The following LRRC43 variants were observed in gnomAD, a reference collection of about 807,000 sequenced individuals.
The protein encoded by LRRC43 is leucine-rich repeat-containing protein 43.
Under a neutral mutation model 64.3 loss-of-function variants are expected in LRRC43, and 62 were observed. That is an observed-to-expected ratio of 0.96 (90% confidence interval 0.79 to 1.19). LRRC43 has a LOEUF of 1.19. Among genes scored for constraint, LRRC43 ranks in the 50% most tolerant of loss-of-function variants. LRRC43 has a pLI of 0.00. For synonymous variants in LRRC43, 422 were observed against 382.3 expected (o/e 1.10, Z -1.21); for missense variants, 868 against 845.0 (o/e 1.03, Z -0.34).
upstream of LRRC43, among the ~76,000 whole-genome samples, chr12:122,178,465 C>T (rs1037829036): frequency 6.6e-6 from 1 of 151,486 alleles, no homozygotes; most frequent in Non-Finnish European, 1.5e-5. Context: ...AGTGATACCT[C>T]AAAATCAACA....
chr12:122,189,991 G>A, intron 4 of LRRC43, 139 bp from the exon 5 acceptor site: 1 of 740,548 alleles, frequency 1.4e-6, no homozygotes, highest in African/African-American at 1.7e-5. Flanking sequence ...GGTTAACTTG[G>A]GTCAAGGGTA....
At position 122,184,801 on chromosome 12, in the gene LRRC43, G is replaced by A; in HGVS notation, c.411+22G>A. ...GAAGGTCAGTGCTGGGCACGTGGTA[G>A]GTGATGTTAGGGTGGCCGCTCCCCT... On this transcript the variant is annotated intron_variant, in intron 2 of 11. Transcript: ENST00000339777. This position sits in a 1 kb window ranked among gnomAD's most constrained non-coding sequence, Gnocchi z 4.0. The A allele has an allele frequency of 6.3e-7, 1 of 1,577,738 alleles. No individual in the cohort carries two copies. Among genetic ancestry groups the A allele is most frequent in the Non-Finnish European group, 8.6e-7 (1 of 1,161,636 alleles).
intron 4 of LRRC43, among the ~76,000 whole-genome samples, chr12:122,188,393 C>T (rs960312624): frequency 2.6e-5 from 4 of 151,878 alleles, no homozygotes; most frequent in African/African-American, 9.7e-5. Flanking sequence ...AGGCGTGAGC[C>T]ACTGTGCCCG....
intron 11 of LRRC43, among the ~76,000 whole-genome samples, chr12:122,201,708 C>T (rs984847198): frequency 6.6e-6 from 1 of 152,104 alleles, no homozygotes; most frequent in African/African-American, 2.4e-5. Context: ...GAAATGGGTG[C>T]GTCTCAGGTT....
At chr12:122,172,008 C>G (rs1411059893) in intron 1 of LRRC43, 1 of 166,640 alleles carries the variant, frequency 6.0e-6, no homozygotes, top group Non-Finnish European at 1.3e-5. Flanking sequence ...ATGTCAAGCC[C>G]CTCACAAAAT....
In LRRC43 at chr12:122,184,875, C is replaced by T. The variant is rs1953625477; in HGVS notation, c.411+96C>T. 7.2e-7 allele frequency: 1 copy of T among 1,383,934 alleles called. No homozygotes were observed. The highest frequency in any genetic ancestry group is 9.9e-7 in the Non-Finnish European group (1 of 1,013,142). The allele number at this position is 1,383,934 out of a possible 1,614,324, so 85.7% of individuals were successfully genotyped here. On this transcript the variant is annotated intron_variant, in intron 2 of 11. Transcript: ENST00000339777. This position sits in a 1 kb window ranked among gnomAD's most constrained non-coding sequence, Gnocchi z 4.0. ...CCTTCCCCACAGCGCGTCAGGGATC[C>T]TGCTTTCAGGGCTGAAACGAAGGCC... is the stretch of plus-strand genomic sequence containing the variant.
At chr12:122,190,402 T>G (rs1191945924) in intron 5 of LRRC43, 34 bp downstream of exon 5, 1 of 1,537,814 alleles carries the variant, frequency 6.5e-7, no homozygotes, top group African/African-American at 1.4e-5. Flanking sequence ...GGGGGTGGCA[T>G]GTGACACCCC....
chr12:122,203,463 T>A lies in LRRC43; in HGVS notation c.*21T>A. 1 of 1,588,930 alleles carries A rather than the reference T, an allele frequency of 6.3e-7. No homozygotes were observed. Among genetic ancestry groups the A allele is most frequent in the Non-Finnish European group, 8.6e-7 (1 of 1,167,594 alleles). On this transcript the variant is annotated 3_prime_UTR_variant, in exon 12 of 12. Transcript: ENST00000339777. ...TGTAGGGCGTGGGCAGTAAAGGCTG[T>A]TCCCAGCACTCCCGCCTCCGCTTCT...
At chr12:122,172,638 G>A in intron 1 of LRRC43, 1 of 1,614,142 alleles carries the variant, frequency 6.2e-7, no homozygotes, top group Non-Finnish European at 8.5e-7. Flanking sequence ...CTTGAGATAT[G>A]CCCGGATGGC....
chr12:122,184,379 C>G lies in LRRC43; in HGVS notation c.151-140C>G, dbSNP rs1473250081. On this transcript the variant is annotated intron_variant, in intron 1 of 11. Transcript: ENST00000339777. This position sits in a 1 kb window ranked among gnomAD's most constrained non-coding sequence, Gnocchi z 4.0. ...AAAGTGCTGGGATTACAGGCATGAGCCACCGCACCTGGCCTACTCTCTAGA... is the reference window on the plus strand; with the variant it reads ...AAAGTGCTGGGATTACAGGCATGAGGCACCGCACCTGGCCTACTCTCTAGA... 8 of 1,081,414 alleles carry G rather than the reference C, an allele frequency of 7.4e-6. No homozygotes were observed. Among genetic ancestry groups the G allele is most frequent in the Non-Finnish European group, 1.0e-5 (8 of 771,416 alleles). 67.0% of individuals were successfully genotyped at this position (1,081,414 alleles called of 1,614,324 possible). A position where few individuals can be genotyped will look rare whatever the true frequency, so the allele number is the denominator to read the frequency against.
chr12:122,184,716 G>C lies in LRRC43; in HGVS notation c.348G>C (p.Pro116=), dbSNP rs570495541. ...SFLRELAIRN[P]LTITDTFFYS... ...TGAGAGAATTGGCCATCCGGAACCC[G>C]CTGACGATCACAGACACCTTCTTCT... The change falls in exon 2 of 12, where the codon CCG becomes CCC. Residue 116 remains proline, a synonymous_variant. Transcript: ENST00000339777. The surrounding 1 kb of genome is among the most constrained non-coding windows in gnomAD (Gnocchi z 4.0). 5 of 1,613,636 alleles carry C rather than the reference G, an allele frequency of 3.1e-6. No individual in the cohort carries two copies. The South Asian group carries it at 5.5e-5, about 18-fold the overall frequency.
intron 1 of LRRC43, chr12:122,172,567 G>C: frequency 6.2e-7 from 1 of 1,614,184 alleles, no homozygotes; most frequent in Non-Finnish European, 8.5e-7. Context: ...TGAAATATGA[G>C]TTTGTCGAGG....
intron 1 of LRRC43, among the ~76,000 whole-genome samples, chr12:122,178,110 T>A (rs1187321725): frequency 6.6e-6 from 1 of 151,888 alleles, no homozygotes; most frequent in African/African-American, 2.4e-5. Context: ...GGTGCTAGGA[T>A]TACAAGTGGG....
chr12:122,193,908 T>C (rs1176117007), intron 7 of LRRC43, among the ~76,000 whole-genome samples: 2 of 152,174 alleles, frequency 1.3e-5, no homozygotes, highest in Non-Finnish European at 2.9e-5. Context: ...GCCCTTTTCA[T>C]TTCAGCCCTT....
intron 7 of LRRC43, among the ~76,000 whole-genome samples, chr12:122,193,320 G>T (rs979138988): frequency 5.5e-5 from 8 of 144,364 alleles, no homozygotes; most frequent in Non-Finnish European, 1.0e-4. Context: ...GGCGGGGCTT[G>T]CAGTGAGCCG....
chr12:122,190,167 C>T lies in LRRC43; in HGVS notation c.700C>T (p.Leu234=), dbSNP rs761453750. ...CTCCCTGGACCTGGGCTTCAACGACCTGACAGACCTGCAGAGCATGGTCAC... is the reference window on the plus strand; with the variant it reads ...CTCCCTGGACCTGGGCTTCAACGACTTGACAGACCTGCAGAGCATGGTCAC... ...LVSLDLGFND[L]TDLQSMVTSL... Residue 234 remains leucine (L), a synonymous_variant, in exon 5 of 12, where the codon CTG becomes TTG. Coordinates refer to ENST00000339777, the MANE Select transcript of LRRC43 (RefSeq NM_001098519.2). The T allele has an allele frequency of 6.2e-7, 1 of 1,614,196 alleles. No homozygotes were observed. The highest frequency in any genetic ancestry group is 1.1e-5 in the South Asian group (1 of 91,078).
intron 1 of LRRC43, among the ~76,000 whole-genome samples, chr12:122,171,821 T>A (rs1482303110): frequency 6.6e-6 from 1 of 152,096 alleles, no homozygotes; most frequent in East Asian, 1.9e-4. Flanking sequence ...CTCCTGCCTT[T>A]ATCTCCCAAA....
intron 2 of LRRC43, among the ~76,000 whole-genome samples, chr12:122,185,421 C>T (rs1953632250): frequency 1.3e-5 from 2 of 152,130 alleles, no homozygotes; most frequent in Non-Finnish European, 1.5e-5. Flanking sequence ...CTGCAGTGAT[C>T]ATGATCGCAC....
chr12:122,174,545 C>A (rs1003109443), intron 1 of LRRC43, among the ~76,000 whole-genome samples: 5 of 152,146 alleles, frequency 3.3e-5, no homozygotes, highest in Non-Finnish European at 7.3e-5. Context: ...CACCAAGGAG[C>A]GGGTGACTTC....
Sources: allele counts gnomAD v4.1 joint callset (sites outside exome capture counted in the v4.1 genomes callset), GRCh38; gene constraint gnomAD v4.1.1; non-coding constraint Gnocchi (gnomAD v3.1); transcripts MANE v1.5; gene names NCBI Gene and HGNC (gene_info 2026-07-23, HGNC 2026-07-21).